MBTPS1: variants seen among roughly 807,000 people sequenced by gnomAD.
MBTPS1 encodes the protein membrane bound transcription factor peptidase, site 1, also known as membrane-bound transcription factor site-1 protease.
In MBTPS1, 94 loss-of-function variants were observed where a neutral mutation model predicts 127.8. The ratio of observed to expected loss-of-function variants is 0.74; its 90% CI spans 0.62 to 0.87. MBTPS1 has a LOEUF of 0.87. MBTPS1 is among the 40% of genes least tolerant of loss of function. The pLI is 0.00. For missense variants in MBTPS1, 1,636 were observed against 1,353.2 expected (o/e 1.21, Z -3.28); for synonymous variants, 632 against 509.4 (o/e 1.24, Z -3.24).
intron 11 of MBTPS1, among the ~76,000 whole-genome samples, chr16:84,078,622 T>G (rs1217434311): frequency 1.3e-5 from 2 of 152,224 alleles, no homozygotes; most frequent in African/African-American, 2.4e-5. Context: ...ACTGCAAGTT[T>G]ATAATTACAA....
At chr16:84,059,059 T>A (rs1012064158) in intron 21 of MBTPS1, among the ~76,000 whole-genome samples, 2 of 152,182 alleles carry the variant, frequency 1.3e-5, no homozygotes, top group African/African-American at 4.8e-5. Context: ...CCCAGCTTTT[T>A]AAAAAAGAAT....
intron 9 of MBTPS1, 59 bp downstream of exon 9, chr16:84,087,299 G>A: frequency 1.5e-6 from 2 of 1,317,232 alleles, no homozygotes; most frequent in East Asian, 2.3e-5. Flanking sequence ...AACAACCGGT[G>A]CCACTAGCCA....
chr16:84,077,249 A>AAAAAAAAGAGAG (rs1555510714), intron 11 of MBTPS1, among the ~76,000 whole-genome samples: 2 of 138,784 alleles, frequency 1.4e-5, no homozygotes, highest in Non-Finnish European at 1.5e-5. Context: ...AAAAAAAAAA[A>AAAAAAAAGAGAG]AGAGAGAGAG....
intron 1 of MBTPS1, among the ~76,000 whole-genome samples, chr16:84,110,441 T>C (rs982083443): frequency 6.6e-6 from 1 of 152,036 alleles, no homozygotes. Flanking sequence ...TCCAATAAAA[T>C]AAGTACTCTC....
intron 1 of MBTPS1, among the ~76,000 whole-genome samples, chr16:84,105,307 C>T (rs531485423): frequency 2.0e-5 from 3 of 152,110 alleles, no homozygotes; most frequent in Admixed American, 6.6e-5. Context: ...AGAACAAACA[C>T]GGACTATTAG....
rs1408925986 is a variant in MBTPS1 at position 84,070,009 on chromosome 16, T to C, written c.1812A>G (p.Thr604=). The C allele has an allele frequency of 6.2e-7, 1 of 1,613,378 alleles. No homozygotes were observed. The highest frequency in any genetic ancestry group is 1.1e-5 in the South Asian group (1 of 90,872). Reference sequence around the variant, plus strand: ...TCTTCACCTTAATGGGGAGCTTTACTGTTGAAGTCTGTTCTGCACCATTTT... The same window carrying C: ...TCTTCACCTTAATGGGGAGCTTTACCGTTGAAGTCTGTTCTGCACCATTTT... ...ESKNGAEQTS[T]VKLPIKVKII... Residue 604 remains threonine (T), a synonymous_variant, in exon 14 of 23, where the codon ACA becomes ACG. Coordinates refer to ENST00000343411, the MANE Select transcript of MBTPS1 (RefSeq NM_003791.4).
intron 8 of MBTPS1, among the ~76,000 whole-genome samples, chr16:84,089,647 A>T (rs1248545108): frequency 6.6e-6 from 1 of 152,180 alleles, no homozygotes; most frequent in African/African-American, 2.4e-5. Flanking sequence ...CTCTACTCCC[A>T]TCACAGGTGA....
chr16:84,060,637 G>A, intron 20 of MBTPS1, 45 bp downstream of exon 20: 1 of 1,597,018 alleles, frequency 6.3e-7, no homozygotes, highest in Non-Finnish European at 8.6e-7. Flanking sequence ...ATCATGTTCA[G>A]CTGGATCCAA....
At chr16:84,055,544 C>G (rs1010727968) in intron 22 of MBTPS1, among the ~76,000 whole-genome samples, 2 of 152,150 alleles carry the variant, frequency 1.3e-5, no homozygotes, top group African/African-American at 4.8e-5. Context: ...AGGGACACAC[C>G]CCAGCTCAGT....
chr16:84,103,989 C>T (rs1036181400), intron 1 of MBTPS1, among the ~76,000 whole-genome samples: 1 of 152,086 alleles, frequency 6.6e-6, no homozygotes, highest in African/African-American at 2.4e-5. Flanking sequence ...CTAAAGCCAC[C>T]CTAACAGGTT....
At chr16:84,088,747 G>A (rs1292293659) in intron 8 of MBTPS1, among the ~76,000 whole-genome samples, 2 of 152,136 alleles carry the variant, frequency 1.3e-5, no homozygotes, top group Non-Finnish European at 2.9e-5. Flanking sequence ...CATTCCCAGA[G>A]GGGCTGACGT....
intron 12 of MBTPS1, among the ~76,000 whole-genome samples, chr16:84,072,722 G>A (rs71404146): frequency 3.6e-4 from 55 of 152,244 alleles, no homozygotes; most frequent in East Asian, 5.8e-4. Flanking sequence ...CCCGGGAGAC[G>A]GAGCTTGCAG....
In MBTPS1 at chr16:84,055,931, T is replaced by TC. The variant is rs1555508134; in HGVS notation, c.2962+73_2962+74insG. 6 of 1,528,464 alleles carry TC rather than the reference T, an allele frequency of 3.9e-6. No homozygotes were observed. The African/African-American group carries it at 6.9e-5, about 17-fold the overall frequency. The allele number at this position is 1,528,464 out of a possible 1,614,324, so 94.7% of individuals were successfully genotyped here. Reference sequence around the variant, plus strand: ...GACAGGGAGAGTCTGGCCCGCCTCCTGGGGAGGGAGGGAGACTCCTTTGAA... The same window carrying TC: ...GACAGGGAGAGTCTGGCCCGCCTCCTCGGGGAGGGAGGGAGACTCCTTTGAA... On this transcript the variant is annotated intron_variant, in intron 22 of 22. Transcript: ENST00000343411.
Position 84,090,944 on chromosome 16 carries a change from T to C in MBTPS1, c.964-2A>G. 3 of 1,596,480 alleles carry C rather than the reference T, an allele frequency of 1.9e-6. No homozygotes were observed. The highest frequency in any genetic ancestry group is 2.6e-6 in the Non-Finnish European group (3 of 1,168,400). On this transcript the variant is annotated splice_acceptor_variant, in intron 7 of 22. Coordinates refer to ENST00000343411, the MANE Select transcript of MBTPS1 (RefSeq NM_003791.4). LOFTEE classifies it high-confidence loss of function. ...ATTGTTAGCTGTTAATTCCCACACC[T>C]ACAAAAGGAGCATTTATTTAATGAA... is the stretch of plus-strand genomic sequence containing the variant.
At chr16:84,068,480 A>G (rs1289078148) in intron 14 of MBTPS1, 26 bp from the exon 15 acceptor site, 1 of 1,471,368 alleles carries the variant, frequency 6.8e-7, no homozygotes, top group East Asian at 2.3e-5. Context: ...CCACAGCATT[A>G]AAATGATCGA....
rs1375986614 is a variant in MBTPS1 at position 84,070,661 on chromosome 16, T to C, written c.1709A>G (p.Lys570Arg). The change falls in exon 13 of 23, where the codon AAG becomes AGG. Residue 570 changes from lysine (K) to arginine (R), a missense_variant. Transcript: ENST00000343411. ...AATGCCTTCCCAGGAAGCCGCTTTC[T>C]TGGTCACAGAAATGGAGATGGCCAG... ...GYLAISISVTKKAASWEGIAQ... is the reference protein window; with the variant it reads ...GYLAISISVTRKAASWEGIAQ... The C allele has an allele frequency of 1.2e-6, 2 of 1,613,870 alleles. No individual in the cohort carries two copies. Among genetic ancestry groups the C allele is most frequent in the Non-Finnish European group, 1.7e-6 (2 of 1,179,994 alleles).
At chr16:84,104,776 T>C (rs2086300722) in intron 1 of MBTPS1, among the ~76,000 whole-genome samples, 1 of 151,822 alleles carries the variant, frequency 6.6e-6, no homozygotes. Context: ...GGTTTTCAAA[T>C]GAAAAAAAGG....
intron 1 of MBTPS1, among the ~76,000 whole-genome samples, chr16:84,108,517 T>G (rs2151173255): frequency 6.6e-6 from 1 of 152,312 alleles, no homozygotes; most frequent in South Asian, 2.1e-4. Flanking sequence ...AGCACCTGCC[T>G]CAGCCTCCCA....
At chr16:84,106,859 G>A (rs1186222349) in intron 1 of MBTPS1, among the ~76,000 whole-genome samples, 1 of 152,196 alleles carries the variant, frequency 6.6e-6, no homozygotes, top group East Asian at 1.9e-4. Context: ...CAGATACGAA[G>A]GCAGAAGTGA....
Sources: gnomAD v4.1 joint callset for allele counts (sites outside exome capture counted in the v4.1 genomes callset) on GRCh38, gnomAD v4.1.1 for gene constraint, MANE v1.5 for transcripts, NCBI Gene and HGNC (gene_info 2026-07-23, HGNC 2026-07-21) for gene names.